Variants in RIMS2 observed in about 807,000 individuals in gnomAD.
The protein encoded by RIMS2 is regulating synaptic membrane exocytosis 2, also known as regulating synaptic membrane exocytosis protein 2.
A neutral mutation model predicts 174.4 loss-of-function variants in RIMS2; 59 were observed. That is an observed-to-expected ratio of 0.34 (90% CI 0.27 to 0.42). The LOEUF is 0.42. Among genes scored for constraint, RIMS2 ranks in the 10% least tolerant of loss-of-function variants. The pLI is 1.00. For synonymous variants in RIMS2, 606 were observed against 572.5 expected, an observed-to-expected ratio of 1.06 and a Z score of -0.84; for missense variants, 1,620 against 1,666.3, an observed-to-expected ratio of 0.97 and a Z score of 0.48.
intron 19 of RIMS2, chr8:104,223,320 G>A (rs2099164797): frequency 5.9e-6 from 6 of 1,021,782 alleles, no homozygotes; most frequent in Non-Finnish European, 6.0e-6. Flanking sequence ...TCCCTGCGCG[G>A]GGAGGGCAGC....
At chr8:104,199,209 C>G (rs2099041473) in intron 19 of RIMS2, among the ~76,000 whole-genome samples, 1 of 151,960 alleles carries the variant, frequency 6.6e-6, no homozygotes, top group Non-Finnish European at 1.5e-5. Context: ...CTACAGGCGC[C>G]CGCCACCACG....
chr8:104,097,032 T>C (rs776205110), intron 19 of RIMS2, among the ~76,000 whole-genome samples: 1 of 152,218 alleles, frequency 6.6e-6, no homozygotes, highest in Non-Finnish European at 1.5e-5. Flanking sequence ...TTTGTTTTGG[T>C]AGTTGATAAA....
At chr8:103,941,403 C>G (rs1174304317) in intron 13 of RIMS2, among the ~76,000 whole-genome samples, 1 of 152,110 alleles carries the variant, frequency 6.6e-6, no homozygotes, top group African/African-American at 2.4e-5. Context: ...GGGAGAATTG[C>G]TTTACCCTAG....
At chr8:103,993,627 G>A (rs993887715) in intron 17 of RIMS2, among the ~76,000 whole-genome samples, 5 of 151,996 alleles carry the variant, frequency 3.3e-5, no homozygotes, top group Non-Finnish European at 5.9e-5. Context: ...ATAATATAAC[G>A]TTTTATTTTA....
intron 3 of RIMS2, among the ~76,000 whole-genome samples, chr8:103,879,820 T>C (rs530769611): frequency 6.6e-6 from 1 of 151,780 alleles, no homozygotes; most frequent in African/African-American, 2.4e-5. Flanking sequence ...TAAATATAAC[T>C]TTCAGAGTAG....
chr8:104,221,478 T>C (rs999513304), intron 19 of RIMS2, among the ~76,000 whole-genome samples: 1 of 152,202 alleles, frequency 6.6e-6, no homozygotes, highest in Non-Finnish European at 1.5e-5. Flanking sequence ...GAAAATCTCA[T>C]TTAATAAAAT....
intron 19 of RIMS2, among the ~76,000 whole-genome samples, chr8:104,087,011 C>T (rs925956480): frequency 3.3e-5 from 5 of 151,950 alleles, no homozygotes; most frequent in South Asian, 2.1e-4. Flanking sequence ...CAGAAAACTC[C>T]GTAAATTGGA....
At chr8:103,866,965 A>C (rs982880094) in intron 3 of RIMS2, among the ~76,000 whole-genome samples, 3 of 151,954 alleles carry the variant, frequency 2.0e-5, no homozygotes, top group Non-Finnish European at 4.4e-5. Flanking sequence ...TGTGTCATTT[A>C]CTTAGCACCA....
At chr8:104,037,347 A>C (rs549604842) in intron 19 of RIMS2, among the ~76,000 whole-genome samples, 34 of 152,338 alleles carry the variant, frequency 2.2e-4, no homozygotes, top group African/African-American at 7.2e-4. Flanking sequence ...ATATACACTT[A>C]GAATCTTCAT....
intron 3 of RIMS2, among the ~76,000 whole-genome samples, chr8:103,787,681 C>G (rs933863491): frequency 1.3e-5 from 2 of 152,122 alleles, no homozygotes; most frequent in African/African-American, 2.4e-5. Context: ...GTAACCCGAC[C>G]TTTCTCTCTG....
chr8:103,557,441 T>C (rs937964636), intron 1 of RIMS2, among the ~76,000 whole-genome samples: 9 of 152,324 alleles, frequency 5.9e-5, no homozygotes, highest in Non-Finnish European at 1.0e-4. Context: ...CTTTCCCACT[T>C]TTAGGGAAAA....
rs536335810 is a variant in RIMS2, at chr8:104,176,984, C to T, written c.3335-67932C>T. On this transcript the variant is annotated intron_variant, in intron 19 of 23. Coordinates refer to ENST00000504942, the Ensembl canonical transcript of RIMS2. ...CAACAAGTGAATTTGTATTGAAATACGGAAGGTCAGCAGACACGTGTATAG... is the reference window on the plus strand; with the variant it reads ...CAACAAGTGAATTTGTATTGAAATATGGAAGGTCAGCAGACACGTGTATAG... Among the ~76,000 whole-genome samples, 56 of 152,014 alleles carry T rather than the reference C, an allele frequency of 3.7e-4. 1 individual carries two copies. The South Asian group carries it at 0.011, about 29-fold the overall frequency.
At chr8:103,876,402 T>C (rs1451067512) in intron 3 of RIMS2, among the ~76,000 whole-genome samples, 1 of 151,880 alleles carries the variant, frequency 6.6e-6, no homozygotes, top group African/African-American at 2.4e-5. Context: ...TCCAAACTTA[T>C]ATTTTAAAAA....
intron 19 of RIMS2, among the ~76,000 whole-genome samples, chr8:104,074,515 G>C (rs1352829342): frequency 1.3e-5 from 2 of 152,088 alleles, no homozygotes; most frequent in East Asian, 3.9e-4. Context: ...AGACCAAAAA[G>C]AAATGATAAA....
At chr8:103,711,338 G>A (rs1028296268) in intron 2 of RIMS2, among the ~76,000 whole-genome samples, 5 of 152,072 alleles carry the variant, frequency 3.3e-5, no homozygotes, top group Admixed American at 6.6e-5. Context: ...AGAGGGCAGC[G>A]CCTTATTTCA....
chr8:104,011,946 G>T (rs969821402), intron 17 of RIMS2, among the ~76,000 whole-genome samples: 2 of 151,914 alleles, frequency 1.3e-5, no homozygotes, highest in African/African-American at 4.8e-5. Flanking sequence ...ACACTTATTT[G>T]TAAAGAAAAG....
chr8:103,991,076 T>C (rs2094663062), intron 17 of RIMS2, among the ~76,000 whole-genome samples: 1 of 151,892 alleles, frequency 6.6e-6, no homozygotes, highest in African/African-American at 2.4e-5. Context: ...AGAGATATCC[T>C]ACAATGTGCA....
At chr8:103,620,518 A>G (rs989559800) in intron 1 of RIMS2, among the ~76,000 whole-genome samples, 2 of 152,154 alleles carry the variant, frequency 1.3e-5, no homozygotes, top group Admixed American at 1.3e-4. Context: ...TTTTTTATCC[A>G]TCATCTGAGG....
intron 14 of RIMS2, among the ~76,000 whole-genome samples, chr8:103,952,067 G>A (rs1305095190): frequency 6.6e-6 from 1 of 152,188 alleles, no homozygotes; most frequent in Non-Finnish European, 1.5e-5. Flanking sequence ...CCTCCTCCCT[G>A]GGAAGGGCAT....
Sources: gnomAD v4.1 joint callset for allele counts (sites outside exome capture counted in the v4.1 genomes callset) on GRCh38, gnomAD v4.1.1 for gene constraint, MANE v1.5 for transcripts, NCBI Gene and HGNC (gene_info 2026-07-23, HGNC 2026-07-21) for gene names.